BCKDHB: variants seen among roughly 807,000 people sequenced by gnomAD.
BCKDHB encodes 2-oxoisovalerate dehydrogenase subunit beta, mitochondrial.
BCKDHB carries 41 observed loss-of-function variants against 48.5 expected under a neutral mutation model. The ratio of observed to expected loss-of-function variants is 0.85; its 90% confidence interval spans 0.66 to 1.10. The LOEUF (loss-of-function observed/expected upper bound fraction) is 1.10. Among genes scored for constraint, BCKDHB ranks in the 50% least tolerant of loss-of-function variants. The pLI is 0.00. For synonymous variants in BCKDHB, 201 were observed against 174.8 expected (o/e 1.15, Z -1.18); for missense variants, 496 against 494.2 (o/e 1.00, Z -0.03).
At chr6:80,452,149 G>A in the BCKDHB span, among the ~76,000 whole-genome samples, 1 of 152,186 alleles carries the variant, frequency 6.6e-6, no homozygotes, top group African/African-American at 2.4e-5. Context: ...GGTGGAATAT[G>A]ATGATGTCAC....
rs1770066686 is a variant in BCKDHB, at chr6:80,344,121, C to T, written c.*317C>T. The T allele has an allele frequency of 1.1e-5, 4 of 364,800 alleles. No homozygotes were observed. The highest frequency in any genetic ancestry group is 9.1e-5 in the South Asian group (4 of 43,890). The allele number at this position is 364,800 out of a possible 1,614,324, so 22.6% of individuals were successfully genotyped here. ...CTGAGTTCAAGCGATTCTCCTGCCT[C>T]AGCCTGCTGAGTAGTTGGGATTACA... On this transcript the variant is annotated 3_prime_UTR_variant, in exon 10 of 10. Coordinates refer to ENST00000320393, the MANE Select transcript of BCKDHB (RefSeq NM_183050.4).
chr6:80,419,808 A>G, the BCKDHB span, among the ~76,000 whole-genome samples: 3 of 152,166 alleles, frequency 2.0e-5, no homozygotes, highest in Non-Finnish European at 4.4e-5. Flanking sequence ...AACGGTTCCC[A>G]GCTTTCCTTT....
intron 9 of BCKDHB, among the ~76,000 whole-genome samples, chr6:80,301,443 C>A (rs73463590): frequency 3.9e-5 from 6 of 151,972 alleles, no homozygotes; most frequent in Admixed American, 1.3e-4. Flanking sequence ...ATTGTCAAAT[C>A]CCTGGAAACA....
At position 80,118,424 on chromosome 6, in the gene BCKDHB, T is replaced by A. The variant is rs184274457; in HGVS notation, c.197-9123T>A. 1.3e-3 allele frequency among the ~76,000 whole-genome samples: 205 copies of A among 152,268 alleles called. 3 individuals carry two copies. Among genetic ancestry groups the A allele is most frequent in the East Asian group, 5.8e-4 (3 of 5,180 alleles). ...AATCATCTGAAACTTTGGCAAGTCA[T>A]AATCTTTTTGCTGGTGGAGGGTCTT... On this transcript the variant is annotated intron_variant, in intron 1 of 9. Transcript: ENST00000320393.
At position 80,174,604 on chromosome 6, in the gene BCKDHB, TGTA is replaced by T. The variant is rs147180403; in HGVS notation, c.742+3215_742+3217del. Among the ~76,000 whole-genome samples the T allele has an allele frequency of 5.2e-3, 796 of 152,326 alleles. 9 individuals carry two copies. The highest frequency in any genetic ancestry group is 0.018 in the African/African-American group (764 of 41,576). On this transcript the variant is annotated intron_variant, in intron 6 of 9. Coordinates refer to ENST00000320393, the MANE Select transcript of BCKDHB (RefSeq NM_183050.4). The stretch of plus-strand genomic sequence containing the variant: ...CAAACTGTGTTGTTCAAAGGTTAAC[TGTA>T]ATCTTAACCAAATGGAACATAGTCA...
At chr6:80,323,484 T>C (rs1157285903) in intron 9 of BCKDHB, among the ~76,000 whole-genome samples, 4 of 152,202 alleles carry the variant, frequency 2.6e-5, no homozygotes, top group Admixed American at 6.5e-5. Flanking sequence ...AAAGATCTTT[T>C]CTTAATCAGT....
chr6:80,107,558 C>CAT (rs71727964), intron 1 of BCKDHB, among the ~76,000 whole-genome samples: 18,670 of 136,230 alleles, frequency 0.14, 1,597 homozygotes, highest in South Asian at 0.32. Context: ...CATATATATG[C>CAT]ATATATATAT....
the BCKDHB span, among the ~76,000 whole-genome samples, chr6:80,466,409 A>G: frequency 6.6e-6 from 1 of 152,208 alleles, no homozygotes; most frequent in Non-Finnish European, 1.5e-5. Flanking sequence ...AGACATTGCC[A>G]TAAGAGGTAA....
At chr6:80,134,813 C>T (rs60157637) in intron 3 of BCKDHB, among the ~76,000 whole-genome samples, 10 of 151,734 alleles carry the variant, frequency 6.6e-5, no homozygotes, top group African/African-American at 1.7e-4. Flanking sequence ...AGTGCAGTGG[C>T]GAGATCTCAG....
At chr6:80,327,886 CT>C (rs1769111757) in intron 9 of BCKDHB, among the ~76,000 whole-genome samples, 1 of 149,490 alleles carries the variant, frequency 6.7e-6, no homozygotes, top group African/African-American at 2.5e-5. Flanking sequence ...TTTCCCTCCC[CT>C]TTTCCCCTCC....
chr6:80,322,338 A>G (rs1451642228), intron 9 of BCKDHB, among the ~76,000 whole-genome samples: 1 of 149,402 alleles, frequency 6.7e-6, no homozygotes, highest in Non-Finnish European at 1.5e-5. Context: ...TCCCAGGTTC[A>G]AGTGATTCTC....
chr6:80,463,254 G>GT, the BCKDHB span: 2 of 152,064 alleles, frequency 1.3e-5, no homozygotes, highest in African/African-American at 2.4e-5. Flanking sequence ...TTTCTTTTTG[G>GT]TAAGTATTGA....
chr6:80,238,198 A>G (rs1014975013), intron 8 of BCKDHB, among the ~76,000 whole-genome samples: 2 of 152,164 alleles, frequency 1.3e-5, no homozygotes, highest in Non-Finnish European at 2.9e-5. Context: ...CCTGGGTTCA[A>G]GCAGTTCTCC....
chr6:80,153,753 C>A (rs1199892394), intron 3 of BCKDHB, among the ~76,000 whole-genome samples: 1 of 152,082 alleles, frequency 6.6e-6, no homozygotes, highest in Non-Finnish European at 1.5e-5. Context: ...CAGATCAGCT[C>A]TGATTGATAG....
At chr6:80,362,160 C>T in the BCKDHB span, among the ~76,000 whole-genome samples, 1 of 152,098 alleles carries the variant, frequency 6.6e-6, no homozygotes, top group East Asian at 1.9e-4. Flanking sequence ...GGCTCTGAGG[C>T]AGCCCTGGGA....
At chr6:80,107,415 TTGTGTGTATGTGTGTGTG>T in intron 1 of BCKDHB, among the ~76,000 whole-genome samples, 1 of 91,852 alleles carries the variant, frequency 1.1e-5, no homozygotes, top group South Asian at 5.3e-4. Flanking sequence ...CATACAGAAA[TTGTGTGTATGTGTGTGTG>T]TGTGTGTGTG....
the BCKDHB span, among the ~76,000 whole-genome samples, chr6:80,357,543 G>A: frequency 6.6e-6 from 1 of 152,168 alleles, no homozygotes; most frequent in Non-Finnish European, 1.5e-5. Flanking sequence ...AGGGGCAAAT[G>A]GAGAATAACC....
At chr6:80,368,115 A>G in the BCKDHB span, among the ~76,000 whole-genome samples, 1 of 152,154 alleles carries the variant, frequency 6.6e-6, no homozygotes. Context: ...TTCTCTTTGT[A>G]CATTTCATTC....
At chr6:80,109,918 G>A (rs147342838) in intron 1 of BCKDHB, among the ~76,000 whole-genome samples, 3 of 152,268 alleles carry the variant, frequency 2.0e-5, no homozygotes, top group African/African-American at 7.2e-5. Flanking sequence ...GCCAGAGTTT[G>A]AATCCTGATG....
Sources: allele counts gnomAD v4.1 joint callset (sites outside exome capture counted in the v4.1 genomes callset), GRCh38; gene constraint gnomAD v4.1.1; transcripts MANE v1.5; gene names NCBI Gene and HGNC (gene_info 2026-07-23, HGNC 2026-07-21).